The following GFPT2 variants were observed in gnomAD, a reference collection of about 807,000 sequenced individuals.
GFPT2 encodes glutamine--fructose-6-phosphate transaminase 2, also known as glutamine--fructose-6-phosphate aminotransferase [isomerizing] 2.
GFPT2 carries 62 observed loss-of-function variants against 85.6 expected under a neutral mutation model. That is an observed-to-expected ratio of 0.72 (90% CI 0.59 to 0.90). The LOEUF (loss-of-function observed/expected upper bound fraction) is 0.90. GFPT2 is among the 40% of genes least tolerant of loss of function. GFPT2 has a pLI of 0.00. For missense variants in GFPT2, 788 were observed against 893.4 expected, an observed-to-expected ratio of 0.88 and a Z score of 1.50; for synonymous variants, 368 against 344.5, an observed-to-expected ratio of 1.07 and a Z score of -0.75.
intron 1 of GFPT2, among the ~76,000 whole-genome samples, chr5:180,342,407 G>GTTTTTTTTTTTTTTTTTTTTTTTTTTTT: frequency 9.1e-6 from 1 of 109,338 alleles, no homozygotes; most frequent in Non-Finnish European, 1.8e-5. Context: ...TAGGTGAAAT[G>GTTTTTTTTTTTTTTTTTTTTTTTTTTTT]TTTTTTTTTT....
Position 180,317,758 on chromosome 5 carries a change from CAA to C in GFPT2, c.959-702_959-701del, listed in dbSNP as rs11356791. On this transcript the variant is annotated intron_variant, in intron 10 of 18. Transcript: ENST00000253778. ...TGGGCGACAGAGCAAGACTCCGTCTCAAAAAAAAAAAAAAAAAAACCTTTCCA... is the reference window on the plus strand; with the variant it reads ...TGGGCGACAGAGCAAGACTCCGTCTCAAAAAAAAAAAAAAAAACCTTTCCA... Among the ~76,000 whole-genome samples, 632 of 83,158 alleles carry C rather than the reference CAA, an allele frequency of 7.6e-3. 3 individuals are homozygous for C. Among genetic ancestry groups the C allele is most frequent in the Middle Eastern group, 0.018 (3 of 164 alleles). 54.6% of individuals were successfully genotyped at this position (83,158 alleles called of 152,430 possible).
chr5:180,324,962 C>T (rs548602813), intron 7 of GFPT2, 67 bp from the exon 8 acceptor site: 2 of 979,860 alleles, frequency 2.0e-6, no homozygotes, highest in African/African-American at 3.2e-5. Flanking sequence ...GTCTGCCCAG[C>T]ATCTGAGGTA....
intron 1 of GFPT2, among the ~76,000 whole-genome samples, chr5:180,346,714 C>T (rs747849910): frequency 6.6e-5 from 10 of 152,220 alleles, no homozygotes; most frequent in Non-Finnish European, 1.5e-4. Flanking sequence ...CTTCTCCAAC[C>T]CCCTACCCCA....
chr5:180,315,181 C>CTTTTTCTT (rs1554133429), intron 13 of GFPT2, among the ~76,000 whole-genome samples: 1 of 144,122 alleles, frequency 6.9e-6, no homozygotes, highest in African/African-American at 2.5e-5. Flanking sequence ...TTTTCTTTTT[C>CTTTTTCTT]TTTTTTTTTT....
intron 4 of GFPT2, among the ~76,000 whole-genome samples, chr5:180,332,313 A>T (rs1764318474): frequency 6.6e-6 from 1 of 152,082 alleles, no homozygotes; most frequent in Non-Finnish European, 1.5e-5. Flanking sequence ...GCATTTTCTC[A>T]ATGAATAGCC....
At chr5:180,302,256 C>A (rs568054567) in intron 18 of GFPT2, among the ~76,000 whole-genome samples, 167 bp downstream of exon 18, 1 of 149,586 alleles carries the variant, frequency 6.7e-6, no homozygotes, top group East Asian at 2.0e-4. Flanking sequence ...CACTGCCCTC[C>A]AGCCTGGGCG....
chr5:180,349,273 T>G (rs1187943405), intron 1 of GFPT2, among the ~76,000 whole-genome samples: 2 of 151,904 alleles, frequency 1.3e-5, no homozygotes, highest in East Asian at 3.9e-4. Flanking sequence ...CCCCACTGCA[T>G]CCCAGCCTGG....
At chr5:180,331,894 C>T (rs775232121) in intron 4 of GFPT2, among the ~76,000 whole-genome samples, 4 of 152,200 alleles carry the variant, frequency 2.6e-5, no homozygotes, top group Admixed American at 1.3e-4. Flanking sequence ...TCATGTCCCA[C>T]GGGGATGATG....
At position 180,353,316 on chromosome 5, in the gene GFPT2, T is replaced by TGGGCTCCGC. The variant is rs1302855623; in HGVS notation, c.-108_-100dup. The stretch of plus-strand genomic sequence containing the variant: ...TCCTCCGTGGGCTCCGTGGGCTCCG[T>TGGGCTCCGC]GGGCTCCGCGGGCTCCAGCTCCCGT... On this transcript the variant is annotated 5_prime_UTR_variant, in exon 1 of 19. Coordinates refer to ENST00000253778, the MANE Select transcript of GFPT2 (RefSeq NM_005110.4). 6.4e-4 allele frequency: 556 copies of TGGGCTCCGC among 871,370 alleles called. No individual in the cohort carries two copies. Among genetic ancestry groups the TGGGCTCCGC allele is most frequent in the African/African-American group, 8.9e-4 (34 of 38,024 alleles). 54.0% of individuals were successfully genotyped at this position (871,370 alleles called of 1,614,324 possible).
Position 180,353,278 on chromosome 5 carries a change from C to G in GFPT2, c.-61G>C. 8.1e-7 allele frequency: 1 copy of G among 1,229,214 alleles called. No individual in the cohort carries two copies. Among genetic ancestry groups the G allele is most frequent in the Non-Finnish European group, 1.0e-6 (1 of 979,010 alleles). 76.1% of individuals were successfully genotyped at this position (1,229,214 alleles called of 1,614,324 possible). A position where few individuals can be genotyped will look rare whatever the true frequency, so the allele number is the denominator to read the frequency against. On this transcript the variant is annotated 5_prime_UTR_variant, in exon 1 of 19. Coordinates refer to ENST00000253778, the MANE Select transcript of GFPT2 (RefSeq NM_005110.4). ...GGGTCTGCCCGTTCGGACGCTGGGG[C>G]TCCTCCGTGGGCTCCTCCGTGGGCT...
intron 5 of GFPT2, 144 bp downstream of exon 5, chr5:180,331,351 G>A: frequency 4.8e-6 from 3 of 630,660 alleles, no homozygotes; most frequent in South Asian, 3.9e-5. Flanking sequence ...CAAGGCAGAG[G>A]TTTCTTCTCA....
chr5:180,314,534 A>C (rs3805703), intron 13 of GFPT2, among the ~76,000 whole-genome samples: 1 of 152,122 alleles, frequency 6.6e-6, no homozygotes, highest in Middle Eastern at 3.4e-3. Flanking sequence ...GTCCTAAAGC[A>C]CTCAAATTAA....
At chr5:180,326,622 T>C (rs1364429802) in intron 7 of GFPT2, among the ~76,000 whole-genome samples, 1 of 152,230 alleles carries the variant, frequency 6.6e-6, no homozygotes, top group Admixed American at 6.5e-5. Context: ...ATTTTAATCA[T>C]TTATTGTGTA....
At chr5:180,342,501 C>T (rs1396176571) in intron 1 of GFPT2, among the ~76,000 whole-genome samples, 1 of 151,074 alleles carries the variant, frequency 6.6e-6, no homozygotes, top group Non-Finnish European at 1.5e-5. Flanking sequence ...CCTCGAACTC[C>T]CAGGCCCAAG....
In GFPT2 at chr5:180,333,982, G is replaced by C. The variant is rs539268319; in HGVS notation, c.340+1846C>G. Among the ~76,000 whole-genome samples the C allele has an allele frequency of 8.6e-4, 131 of 152,326 alleles. 1 individual carries two copies. Among genetic ancestry groups the C allele is most frequent in the African/African-American group, 3.0e-3 (125 of 41,582 alleles). ...TCTCAGGGCACATGGTCTGGGCGCA[G>C]TGTTTTCTCGGCCAGCACGACTGCC... On this transcript the variant is annotated intron_variant, in intron 4 of 18. Transcript: ENST00000253778.
intron 4 of GFPT2, among the ~76,000 whole-genome samples, chr5:180,335,227 T>C (rs1483226851): frequency 6.6e-6 from 1 of 152,200 alleles, no homozygotes; most frequent in Non-Finnish European, 1.5e-5. Flanking sequence ...TTTAAGAACA[T>C]GAAGCAAGCT....
intron 1 of GFPT2, among the ~76,000 whole-genome samples, chr5:180,345,446 G>A (rs1041872112): frequency 1.3e-5 from 2 of 152,266 alleles, no homozygotes; most frequent in Non-Finnish European, 2.9e-5. Context: ...GGTGGGAAAG[G>A]GCTTCCCGCT....
At chr5:180,312,657 C>T (rs775171773) in intron 14 of GFPT2, 113 bp from the exon 15 acceptor site, 30 of 632,224 alleles carry the variant, frequency 4.7e-5, no homozygotes, top group South Asian at 3.0e-4. Context: ...GGCGAGATCA[C>T]GGCTCACTGC....
At position 180,324,288 on chromosome 5, in the gene GFPT2, T is replaced by C; in HGVS notation, c.694A>G (p.Lys232Glu). 1 of 1,601,464 alleles carries C rather than the reference T, an allele frequency of 6.2e-7. No homozygotes were observed. Among genetic ancestry groups the C allele is most frequent in the Non-Finnish European group, 8.5e-7 (1 of 1,170,662 alleles). The change falls in exon 9 of 19, where the codon AAG becomes GAG. Residue 232 changes from lysine to glutamate, a missense_variant. Lys to Glu is a moderately conservative substitution (Grantham distance 56). Coordinates refer to ENST00000253778, the MANE Select transcript of GFPT2 (RefSeq NM_005110.4). ...TTCATCCGTGTCTTACAGATATTCT[T>C]CACATTCTCCAGAGTGCCTAGCAAA... The part of the protein sequence containing the change: ...LYRTCTLENV[K>E]NICKTRMKRL...
Sources: gnomAD v4.1 joint callset for allele counts (sites outside exome capture counted in the v4.1 genomes callset) on GRCh38, gnomAD v4.1.1 for gene constraint, MANE v1.5 for transcripts, NCBI Gene and HGNC (gene_info 2026-07-23, HGNC 2026-07-21) for gene names.